DPYSL4: variants seen among roughly 807,000 people sequenced by gnomAD.
DPYSL4 encodes the protein dihydropyrimidinase-related protein 4.
DPYSL4 carries 43 observed loss-of-function variants against 63.4 expected under a neutral mutation model. That is an observed-to-expected ratio of 0.68 (90% CI 0.53 to 0.88). The LOEUF (loss-of-function observed/expected upper bound fraction) is 0.88, where lower values mean the gene tolerates loss of function less well. Among genes scored for constraint, DPYSL4 ranks in the 40% least tolerant of loss-of-function variants. The probability of loss-of-function intolerance (pLI) is 0.00; values close to 1 mark genes in which losing one functional copy is unlikely to be tolerated. For missense variants in DPYSL4, 733 were observed against 819.5 expected (o/e 0.89, Z 1.29); for synonymous variants, 353 against 331.7 (o/e 1.06, Z -0.70).
intron 4 of DPYSL4, among the ~76,000 whole-genome samples, chr10:132,196,287 C>T (rs948836209): frequency 6.6e-6 from 1 of 152,172 alleles, no homozygotes; most frequent in African/African-American, 2.4e-5. Context: ...GAGCTCAGCC[C>T]TCTTCCTGTT....
At chr10:132,196,172 T>C (rs1206748715) in intron 4 of DPYSL4, among the ~76,000 whole-genome samples, 1 of 152,178 alleles carries the variant, frequency 6.6e-6, no homozygotes, top group Admixed American at 6.5e-5. Context: ...TGGGTGGGCT[T>C]GAGTGATGGG....
intron 10 of DPYSL4, among the ~76,000 whole-genome samples, chr10:132,201,710 C>CG (rs2062020341): frequency 6.6e-6 from 1 of 152,228 alleles, no homozygotes; most frequent in Non-Finnish European, 1.5e-5. Flanking sequence ...CCCGTCTTCA[C>CG]GGGGGCCTGG....
rs2061950556 is a variant in DPYSL4, at chr10:132,196,755, G to C, written c.479-106G>C. On this transcript the variant is annotated intron_variant, in intron 4 of 13. Transcript: ENST00000338492. ...CAAGCCAGTGAGGGAAGCACTGCGGGGGAGGGGCCCAAGACCCCCAACCCT... is the reference window on the plus strand; with the variant it reads ...CAAGCCAGTGAGGGAAGCACTGCGGCGGAGGGGCCCAAGACCCCCAACCCT... 7 of 1,305,858 alleles carry C rather than the reference G, an allele frequency of 5.4e-6. No homozygotes were observed. In the South Asian group the frequency reaches 8.6e-5, roughly 16 times the overall value. 80.9% of individuals were successfully genotyped at this position (1,305,858 alleles called of 1,614,324 possible).
intron 7 of DPYSL4, 25 bp from the exon 8 acceptor site, chr10:132,198,826 C>T: frequency 6.2e-7 from 1 of 1,612,086 alleles, no homozygotes; most frequent in African/African-American, 1.3e-5. Flanking sequence ...CTCGTGTGGC[C>T]TCATCCCTCT....
rs934181045 is a variant in DPYSL4, at chr10:132,198,412, T to C, written c.622-3T>C. ...GAGCGAGGCATCCTGTTGGTTTCTT[T>C]AGGAGCAGAAGCGGTTGCTGGAGCT... is the stretch of plus-strand genomic sequence containing the variant. On this transcript the variant is annotated splice_region_variant and splice_polypyrimidine_tract_variant and intron_variant, in intron 6 of 13. Coordinates refer to ENST00000338492, the MANE Select transcript of DPYSL4 (RefSeq NM_006426.3). 20 of 1,604,996 alleles carry C rather than the reference T, an allele frequency of 1.2e-5. No individual in the cohort carries two copies. Among genetic ancestry groups the C allele is most frequent in the Non-Finnish European group, 1.5e-5 (18 of 1,177,150 alleles).
At chr10:132,197,149 G>A in intron 6 of DPYSL4, 48 bp downstream of exon 6, 1 of 1,444,150 alleles carries the variant, frequency 6.9e-7, no homozygotes, top group East Asian at 2.5e-5. Context: ...GGCTGCCGTG[G>A]GGCAGGGGCT....
At chr10:132,199,045 C>T in intron 8 of DPYSL4, 74 bp downstream of exon 8, 1 of 1,549,570 alleles carries the variant, frequency 6.5e-7, no homozygotes, top group Non-Finnish European at 8.7e-7. Context: ...TGGGGAGATG[C>T]AGGTTCCCTG....
At position 132,192,744 on chromosome 10, in the gene DPYSL4, T is replaced by A. The variant is rs1433183323; in HGVS notation, c.215T>A (p.Val72Asp). 1.9e-6 allele frequency: 3 copies of A among 1,613,214 alleles called. No homozygotes were observed. Among genetic ancestry groups the A allele is most frequent in the Non-Finnish European group, 2.5e-6 (3 of 1,179,932 alleles). ...ATGGTCCTTCCTGGTGGCGTTGACG[T>A]CCACACAAGGCTGCAGATGCCTGTC... ...GLMVLPGGVDVHTRLQMPVLG... is the reference protein window; with the variant it reads ...GLMVLPGGVDDHTRLQMPVLG... Residue 72 changes from valine (V) to aspartate (D), a missense_variant, in exon 3 of 14, where the codon GTC becomes GAC. Coordinates refer to ENST00000338492, the MANE Select transcript of DPYSL4 (RefSeq NM_006426.3).
At chr10:132,198,675 C>T (rs552270894) in intron 7 of DPYSL4, among the ~76,000 whole-genome samples, 176 bp from the exon 8 acceptor site, 19 of 152,214 alleles carry the variant, frequency 1.2e-4, no homozygotes, top group Admixed American at 2.6e-4. Context: ...AGCCTGTACC[C>T]GAGGCCCAGA....
intron 12 of DPYSL4, among the ~76,000 whole-genome samples, chr10:132,203,320 G>A (rs889513861): frequency 3.9e-5 from 6 of 152,116 alleles, no homozygotes; most frequent in East Asian, 1.9e-4. Flanking sequence ...CTGTGGTGAC[G>A]CCACGCTTGC....
At chr10:132,200,332 C>T (rs1049107100) in intron 8 of DPYSL4, 24 bp from the exon 9 acceptor site, 2 of 1,611,940 alleles carry the variant, frequency 1.2e-6, no homozygotes, top group African/African-American at 1.3e-5. Context: ...CGGTGGGGCA[C>T]CTCTCATGGG....
chr10:132,200,049 A>G (rs558869686), intron 8 of DPYSL4, among the ~76,000 whole-genome samples: 2 of 152,262 alleles, frequency 1.3e-5, no homozygotes, highest in Admixed American at 6.5e-5. Context: ...TGTGCCTCGC[A>G]GCCCACAGGC....
chr10:132,187,080 A>G lies in DPYSL4; in HGVS notation c.17A>G (p.Lys6Arg). ...AGGAGCAGGATGTCCTTCCAGGGCA[A>G]GAAAAGCATCCCCCGGATCACGGTG... MSFQG[K>R]KSIPRITSDR... Residue 6 changes from lysine to arginine, a missense_variant, in exon 1 of 14, where the codon AAG (lysine) becomes AGG (arginine). Transcript: ENST00000338492. The G allele has an allele frequency of 7.1e-7, 1 of 1,407,218 alleles. No individual in the cohort carries two copies. The highest frequency in any genetic ancestry group is 9.4e-7 in the Non-Finnish European group (1 of 1,061,316). The allele number at this position is 1,407,218 out of a possible 1,614,324, so 87.2% of individuals were successfully genotyped here.
At chr10:132,190,033 G>A (rs1285843219) in intron 1 of DPYSL4, among the ~76,000 whole-genome samples, 1 of 152,228 alleles carries the variant, frequency 6.6e-6, no homozygotes, top group African/African-American at 2.4e-5. Context: ...TTCCTGGCTG[G>A]AACGCTCGCC....
intron 4 of DPYSL4, among the ~76,000 whole-genome samples, chr10:132,196,213 G>A (rs1017731962): frequency 3.3e-5 from 5 of 152,228 alleles, no homozygotes; most frequent in Admixed American, 6.5e-5. Flanking sequence ...GGCCCAGGCC[G>A]GTCCCCACAC....
intron 3 of DPYSL4, among the ~76,000 whole-genome samples, chr10:132,193,354 G>A (rs2061901428): frequency 6.6e-6 from 1 of 152,262 alleles, no homozygotes; most frequent in Non-Finnish European, 1.5e-5. Flanking sequence ...TATTTCTGTA[G>A]TGCTGGCTGC....
chr10:132,199,916 C>T (rs1270117978), intron 8 of DPYSL4, among the ~76,000 whole-genome samples: 1 of 152,004 alleles, frequency 6.6e-6, no homozygotes, highest in Non-Finnish European at 1.5e-5. Context: ...TCGGGGGGTG[C>T]CCCACCCCAC....
chr10:132,199,729 TTTC>T (rs2061987884), intron 8 of DPYSL4, among the ~76,000 whole-genome samples: 1 of 151,894 alleles, frequency 6.6e-6, no homozygotes, highest in African/African-American at 2.4e-5. Context: ...CTTCTATGTG[TTTC>T]CTGCATCGAG....
chr10:132,201,703 G>T (rs779869597), intron 10 of DPYSL4, among the ~76,000 whole-genome samples: 1 of 152,242 alleles, frequency 6.6e-6, no homozygotes, highest in Non-Finnish European at 1.5e-5. Flanking sequence ...TCTAGTGCCC[G>T]TCTTCACGGG....
Sources: allele counts gnomAD v4.1 joint callset (sites outside exome capture counted in the v4.1 genomes callset), GRCh38; gene constraint gnomAD v4.1.1; transcripts MANE v1.5; gene names NCBI Gene and HGNC (gene_info 2026-07-23, HGNC 2026-07-21).